The following P2RX1 variants were observed in gnomAD, a reference collection of about 807,000 sequenced individuals.
P2RX1 encodes purinergic receptor P2X 1, also known as P2X purinoceptor 1.
Under a neutral mutation model 50.3 loss-of-function variants are expected in P2RX1, and 42 were observed. The ratio of observed to expected loss-of-function variants is 0.83; its 90% CI spans 0.65 to 1.08. P2RX1 has a LOEUF of 1.08. P2RX1 is among the 50% of genes least tolerant of loss of function. P2RX1 has a pLI of 0.00. For synonymous variants in P2RX1, 199 were observed against 202.6 expected, an observed-to-expected ratio of 0.98 and a Z score of 0.15; for missense variants, 449 against 529.0, an observed-to-expected ratio of 0.85 and a Z score of 1.48.
intron 7 of P2RX1, among the ~76,000 whole-genome samples, chr17:3,901,392 C>A (rs1171566773): frequency 6.6e-6 from 1 of 152,066 alleles, no homozygotes; most frequent in Admixed American, 6.5e-5. Context: ...TTTTTAGGAA[C>A]AGGGAGGTCT....
At position 3,904,403 on chromosome 17, in the gene P2RX1, G is replaced by A. The variant is rs1177384369; in HGVS notation, c.358-4C>T. ...TGCATATGCCCCCTTCTGGGTGCTG[G>A]GGGAGGCAAAAGCTGCTGGTCCCAG... is the stretch of plus-strand genomic sequence containing the variant. On this transcript the variant is annotated splice_region_variant and splice_polypyrimidine_tract_variant and intron_variant, in intron 3 of 11. Transcript: ENST00000225538. The A allele has an allele frequency of 1.2e-6, 2 of 1,613,422 alleles. No individual in the cohort carries two copies. Among genetic ancestry groups the A allele is most frequent in the Non-Finnish European group, 1.7e-6 (2 of 1,179,702 alleles).
intron 1 of P2RX1, chr17:3,915,411 G>T (rs995201034): frequency 6.6e-6 from 3 of 455,454 alleles, no homozygotes; most frequent in East Asian, 6.9e-5. Context: ...TGCCAGGCCT[G>T]TCTTGGCTCC....
chr17:3,910,650 C>G (rs2056346864), intron 1 of P2RX1, among the ~76,000 whole-genome samples: 1 of 152,228 alleles, frequency 6.6e-6, no homozygotes, highest in Non-Finnish European at 1.5e-5. Context: ...CCATGGGCCA[C>G]AGGCAGGAGT....
At chr17:3,899,400 C>T (rs539955131) in intron 8 of P2RX1, among the ~76,000 whole-genome samples, 4 of 150,120 alleles carry the variant, frequency 2.7e-5, no homozygotes, top group Non-Finnish European at 5.9e-5. Flanking sequence ...GCAATTTCCC[C>T]AGCTAGTCCT....
rs757983137 is a variant in P2RX1, at chr17:3,898,968, A to G, written c.932T>C (p.Phe311Ser). 1.9e-6 allele frequency: 3 copies of G among 1,613,588 alleles called. No homozygotes were observed. The highest frequency in any genetic ancestry group is 1.3e-5 in the African/African-American group (1 of 74,806). The change falls in exon 9 of 12, where the codon TTT becomes TCT. Residue 311 changes from phenylalanine (F) to serine (S), a missense_variant. Physicochemically the swap from Phe to Ser is radical, Grantham distance 155 (BLOSUM62 -2). Transcript: ENST00000225538. ...GTNYRHLFKV[F>S]GIRFDILVDG... is the part of the protein sequence containing the mutation. Reference sequence around the variant, plus strand: ...CACCAGGATGTCAAAGCGAATCCCAAACACCTTGAAGAGGTGACGGTAGTT... The same window carrying G: ...CACCAGGATGTCAAAGCGAATCCCAGACACCTTGAAGAGGTGACGGTAGTT...
chr17:3,902,903 C>T (rs1418091487), intron 7 of P2RX1, among the ~76,000 whole-genome samples: 2 of 151,932 alleles, frequency 1.3e-5, no homozygotes, highest in Non-Finnish European at 2.9e-5. Flanking sequence ...CCCTCCGCAC[C>T]TGACCAAGCT....
intron 7 of P2RX1, among the ~76,000 whole-genome samples, chr17:3,901,285 T>G (rs1258134658): frequency 1.3e-5 from 2 of 152,226 alleles, no homozygotes; most frequent in African/African-American, 4.8e-5. Flanking sequence ...GCCAGGATGG[T>G]CTCGATCTCC....
intron 1 of P2RX1, among the ~76,000 whole-genome samples, chr17:3,905,847 CAAA>C (rs60059213): frequency 0.32 from 33,345 of 102,848 alleles, 4,634 homozygotes; most frequent in East Asian, 0.53. Flanking sequence ...AATTCTGTCT[CAAA>C]AAAAAAAAAA....
Position 3,912,956 on chromosome 17 carries a change from G to C in P2RX1, c.137+3133C>G, listed in dbSNP as rs144861121. 7.6e-4 allele frequency among the ~76,000 whole-genome samples: 116 copies of C among 152,190 alleles called. 1 individual carries two copies. The East Asian group carries it at 0.022, about 29-fold the overall frequency. On this transcript the variant is annotated intron_variant, in intron 1 of 11. Transcript: ENST00000225538. ...TGAGAAGAGACCCAGAGGGACTGGAGAGAAAGCTGAGAGCAGGCCAGCCCA... is the reference window on the plus strand; with the variant it reads ...TGAGAAGAGACCCAGAGGGACTGGACAGAAAGCTGAGAGCAGGCCAGCCCA...
chr17:3,916,228 TG>T lies in P2RX1; in HGVS notation c.-4del. 1 of 1,612,892 alleles carries T rather than the reference TG, an allele frequency of 6.2e-7. No homozygotes were observed. Among genetic ancestry groups the T allele is most frequent in the Non-Finnish European group, 8.5e-7 (1 of 1,179,934 alleles). On this transcript the variant is annotated 5_prime_UTR_variant, in exon 1 of 12. Transcript: ENST00000225538. ...TCCTCCTGGAACCGCCGTGCCATGG[TG>T]GGCCGGCTGGGGCTCAGAACTGAGC...
chr17:3,904,085 C>T, intron 4 of P2RX1, 61 bp from the exon 5 acceptor site: 3 of 1,363,774 alleles, frequency 2.2e-6, no homozygotes, highest in Non-Finnish European at 3.1e-6. Flanking sequence ...CCCCAGACCC[C>T]TTCTCCAGGA....
At chr17:3,900,101 AAAAC>A (rs1426981821) in intron 7 of P2RX1, among the ~76,000 whole-genome samples, 5 of 150,972 alleles carry the variant, frequency 3.3e-5, no homozygotes, top group Admixed American at 1.3e-4. Flanking sequence ...CTCTGTCTCA[AAAAC>A]AAACAAACAA....
intron 3 of P2RX1, 155 bp from the exon 4 acceptor site, chr17:3,904,554 C>T (rs2144013178): frequency 2.8e-6 from 2 of 721,410 alleles, no homozygotes; most frequent in African/African-American, 3.5e-5. Context: ...CCCCATTTCC[C>T]CCCACACTGC....
chr17:3,908,441 G>A lies in P2RX1; in HGVS notation c.138-3074C>T, dbSNP rs142884458. On this transcript the variant is annotated intron_variant, in intron 1 of 11. Transcript: ENST00000225538. ...CCGGGCATGGTGGTGGCGGGCACCT[G>A]TAATCCCGCTACTTGGGAGGCTGAG... Among the ~76,000 whole-genome samples the A allele has an allele frequency of 1.4e-4, 22 of 152,258 alleles. 1 individual carries two copies. The highest frequency in any genetic ancestry group is 4.8e-4 in the African/African-American group (20 of 41,548).
chr17:3,899,999 G>A (rs1051589894), intron 7 of P2RX1, among the ~76,000 whole-genome samples: 1 of 152,178 alleles, frequency 6.6e-6, no homozygotes, highest in East Asian at 1.9e-4. Context: ...TACTTGGGAG[G>A]CTGAGGTAGA....
chr17:3,904,223 C>A, intron 4 of P2RX1, 107 bp downstream of exon 4: 1 of 1,222,886 alleles, frequency 8.2e-7, no homozygotes, highest in South Asian at 1.2e-5. Flanking sequence ...GAGGCCGCCT[C>A]GGCGGGAGGG....
chr17:3,900,167 T>C (rs921954670), intron 7 of P2RX1, among the ~76,000 whole-genome samples: 6 of 151,616 alleles, frequency 4.0e-5, no homozygotes, highest in Non-Finnish European at 7.4e-5. Context: ...ACAGACCATT[T>C]TGGAGCCGGG....
chr17:3,905,077 T>C (rs1283592856), intron 2 of P2RX1, 143 bp downstream of exon 2: 2 of 1,238,988 alleles, frequency 1.6e-6, no homozygotes, highest in Non-Finnish European at 2.3e-6. Context: ...TGGGGTGATA[T>C]CACCAGGCTG....
intron 7 of P2RX1, among the ~76,000 whole-genome samples, chr17:3,901,064 AG>A: frequency 6.6e-6 from 1 of 151,670 alleles, no homozygotes; most frequent in Non-Finnish European, 1.5e-5. Context: ...GATGGCAGGG[AG>A]ATTTTTTTTT....
Sources: allele counts gnomAD v4.1 joint callset (sites outside exome capture counted in the v4.1 genomes callset), GRCh38; gene constraint gnomAD v4.1.1; transcripts MANE v1.5; gene names NCBI Gene and HGNC (gene_info 2026-07-23, HGNC 2026-07-21).